Variants in NCAM2 observed in about 807,000 individuals in gnomAD.
NCAM2 encodes neural cell adhesion molecule 2.
Under a neutral mutation model 98.1 loss-of-function variants are expected in NCAM2, and 30 were observed. The ratio of observed to expected loss-of-function variants is 0.31; its 90% CI spans 0.23 to 0.41. The LOEUF is 0.41. NCAM2 is among the 10% of genes least tolerant of loss of function. The probability of loss-of-function intolerance (pLI) is 1.00; values close to 1 mark genes in which losing one functional copy is unlikely to be tolerated. For synonymous variants in NCAM2, 368 were observed against 342.4 expected (o/e 1.07, Z -0.83); for missense variants, 867 against 1,005.8 (o/e 0.86, Z 1.87).
chr21:21,322,313 A>G (rs2074396526), intron 5 of NCAM2, among the ~76,000 whole-genome samples: 1 of 152,110 alleles, frequency 6.6e-6, no homozygotes, highest in Non-Finnish European at 1.5e-5. Flanking sequence ...GAAGGGAAAG[A>G]GGGAGGTGGG....
chr21:21,175,674 G>T (rs1399568682), intron 1 of NCAM2, among the ~76,000 whole-genome samples: 1 of 152,238 alleles, frequency 6.6e-6, no homozygotes, highest in East Asian at 1.9e-4. Context: ...AGGTCTGATA[G>T]AAAATGAGAA....
chr21:21,021,410 G>C (rs1041284970), intron 1 of NCAM2, among the ~76,000 whole-genome samples: 2 of 152,156 alleles, frequency 1.3e-5, no homozygotes, highest in Non-Finnish European at 2.9e-5. Flanking sequence ...CAAGCAATGG[G>C]TGGCTTAGTT....
intron 11 of NCAM2, among the ~76,000 whole-genome samples, chr21:21,425,039 C>A (rs1488449587): frequency 1.8e-5 from 1 of 55,390 alleles, no homozygotes; most frequent in Non-Finnish European, 3.6e-5. Flanking sequence ...TCTTCCTCCT[C>A]CAAAAAAAAA....
rs184945026 is a variant in NCAM2 at position 21,058,622 on chromosome 21, G to A, written c.55+60004G>A. On this transcript the variant is annotated intron_variant, in intron 1 of 17. Coordinates refer to ENST00000400546, the MANE Select transcript of NCAM2 (RefSeq NM_004540.5). ...TGAATGCTTTTGTTTTGTCAGCCAT[G>A]GATTCAGGTGTTTGTGGAAGCAGAC... 2.0e-3 allele frequency among the ~76,000 whole-genome samples: 296 copies of A among 151,358 alleles called. 4 individuals are homozygous for A. Among genetic ancestry groups the A allele is most frequent in the African/African-American group, 6.9e-3 (284 of 41,308 alleles).
intron 14 of NCAM2, among the ~76,000 whole-genome samples, chr21:21,477,064 G>A (rs892682309): frequency 1.3e-5 from 2 of 151,618 alleles, no homozygotes; most frequent in African/African-American, 4.8e-5. Context: ...AAGGATTAAT[G>A]ACAAAACCAC....
intron 1 of NCAM2, among the ~76,000 whole-genome samples, chr21:21,231,249 G>A (rs1410641112): frequency 6.6e-6 from 1 of 151,196 alleles, no homozygotes; most frequent in Non-Finnish European, 1.5e-5. Context: ...AAAGAGAGAT[G>A]TGCTTGGAAC....
At chr21:21,103,173 C>A (rs1601376363) in intron 1 of NCAM2, among the ~76,000 whole-genome samples, 1 of 152,076 alleles carries the variant, frequency 6.6e-6, no homozygotes, top group Non-Finnish European at 1.5e-5. Context: ...GGTGAAATCT[C>A]CCAAGGATGG....
At chr21:21,141,020 G>A (rs757314199) in intron 1 of NCAM2, among the ~76,000 whole-genome samples, 3 of 152,094 alleles carry the variant, frequency 2.0e-5, no homozygotes, top group Non-Finnish European at 4.4e-5. Flanking sequence ...GGTCCAGGAG[G>A]CAAAGACTCT....
intron 7 of NCAM2, 24 bp downstream of exon 7, chr21:21,335,689 A>G (rs1371663198): frequency 1.9e-6 from 3 of 1,559,296 alleles, no homozygotes; most frequent in Non-Finnish European, 2.6e-6. Flanking sequence ...CATAGTGGCT[A>G]AAACTGTTAT....
At chr21:21,358,590 T>G (rs1443725878) in intron 8 of NCAM2, among the ~76,000 whole-genome samples, 2 of 152,084 alleles carry the variant, frequency 1.3e-5, no homozygotes, top group East Asian at 1.9e-4. Flanking sequence ...ATAAGTTACA[T>G]AAAACAAATT....
At chr21:21,374,421 C>T (rs2075987926) in intron 9 of NCAM2, among the ~76,000 whole-genome samples, 1 of 151,780 alleles carries the variant, frequency 6.6e-6, no homozygotes, top group Non-Finnish European at 1.5e-5. Context: ...GGCTATTTTA[C>T]ATTTTCATAA....
chr21:21,503,598 G>A (rs75237420), intron 15 of NCAM2, among the ~76,000 whole-genome samples: 4 of 152,006 alleles, frequency 2.6e-5, no homozygotes, highest in African/African-American at 7.2e-5. Flanking sequence ...ATAGATAACC[G>A]AAACTGCAGA....
chr21:21,385,650 C>T (rs758511875), intron 9 of NCAM2: 38 of 1,286,784 alleles, frequency 3.0e-5, no homozygotes, highest in African/African-American at 9.1e-5. Context: ...TCAACATTTC[C>T]GAGGCGTTAC....
At position 21,174,139 on chromosome 21, in the gene NCAM2, C is replaced by T. The variant is rs548976597; in HGVS notation, c.56-106439C>T. On this transcript the variant is annotated intron_variant, in intron 1 of 17. Transcript: ENST00000400546. ...TTCACCATGTTGGCCAAGCTGGTCT[C>T]GAACTACTAACCTCAGATCGTGATC... Among the ~76,000 whole-genome samples, 223 of 152,156 alleles carry T rather than the reference C, an allele frequency of 1.5e-3. 2 individuals carry two copies. Among genetic ancestry groups the T allele is most frequent in the Admixed American group, 3.3e-3 (51 of 15,286 alleles).
chr21:21,481,565 G>T (rs567628620), intron 15 of NCAM2, among the ~76,000 whole-genome samples: 85 of 152,240 alleles, frequency 5.6e-4, no homozygotes, highest in African/African-American at 2.0e-3. Context: ...AATGCTTTCA[G>T]GAAGTTTTTC....
intron 8 of NCAM2, among the ~76,000 whole-genome samples, chr21:21,367,584 A>G (rs945504688): frequency 3.3e-5 from 5 of 151,996 alleles, no homozygotes; most frequent in African/African-American, 4.8e-5. Context: ...GATGGAATAT[A>G]TGTAGAATGC....
rs2066016684 is a variant in NCAM2, at chr21:21,091,760, A to C, written c.55+93142A>C. On this transcript the variant is annotated intron_variant, in intron 1 of 17. Coordinates refer to ENST00000400546, the MANE Select transcript of NCAM2 (RefSeq NM_004540.5). ...TTAGCCTCATAATTACCTGAAACCA[A>C]AATAGAGCAATCATATATCTTAAAA... is the stretch of plus-strand genomic sequence containing the variant. 3.3e-5 allele frequency among the ~76,000 whole-genome samples: 5 copies of C among 152,312 alleles called. No individual in the cohort carries two copies. In the South Asian group the frequency reaches 1.0e-3, roughly 32 times the overall value.
chr21:21,381,029 T>C (rs1390462745), intron 9 of NCAM2, among the ~76,000 whole-genome samples: 1 of 152,240 alleles, frequency 6.6e-6, no homozygotes, highest in African/African-American at 2.4e-5. Flanking sequence ...CCTGTCTGCA[T>C]TTTTATGTGA....
intron 1 of NCAM2, among the ~76,000 whole-genome samples, chr21:21,263,136 T>G (rs1403658765): frequency 6.6e-6 from 1 of 152,156 alleles, no homozygotes; most frequent in Non-Finnish European, 1.5e-5. Context: ...CTTCCAGACC[T>G]GATCAATGAC....
Sources: gnomAD v4.1 joint callset for allele counts (sites outside exome capture counted in the v4.1 genomes callset) on GRCh38, gnomAD v4.1.1 for gene constraint, MANE v1.5 for transcripts, NCBI Gene and HGNC (gene_info 2026-07-23, HGNC 2026-07-21) for gene names.